Variants in DNAJC12 observed in about 807,000 individuals in gnomAD.
DNAJC12 encodes the protein dnaJ homolog subfamily C member 12.
In DNAJC12, 25 loss-of-function variants were observed where a neutral mutation model predicts 28.5. The observed-to-expected ratio is 0.88, with a 90% CI of 0.64 to 1.22. DNAJC12 has a LOEUF of 1.22. DNAJC12 is among the 50% of genes most tolerant of loss of function. The probability of loss-of-function intolerance (pLI) is 0.00; values close to 1 mark genes in which losing one functional copy is unlikely to be tolerated. For missense variants in DNAJC12, 222 were observed against 231.7 expected (o/e 0.96, Z 0.27); for synonymous variants, 77 against 80.6 (o/e 0.95, Z 0.24).
intron 4 of DNAJC12, among the ~76,000 whole-genome samples, chr10:67,799,815 G>A (rs10997814): frequency 6.7e-6 from 1 of 150,172 alleles, no homozygotes; most frequent in East Asian, 2.0e-4. Context: ...CCCAGGAGGC[G>A]GAGGTTGCAG....
intron 2 of DNAJC12, among the ~76,000 whole-genome samples, chr10:67,821,351 T>A (rs1841979238): frequency 6.6e-6 from 1 of 151,986 alleles, no homozygotes; most frequent in Admixed American, 6.6e-5. Flanking sequence ...ACCCTGTCTC[T>A]ACTAAAAATA....
chr10:67,809,178 C>G (rs1191644306), intron 3 of DNAJC12, among the ~76,000 whole-genome samples: 1 of 152,094 alleles, frequency 6.6e-6, no homozygotes, highest in Non-Finnish European at 1.5e-5. Context: ...TTTTTTTAGC[C>G]ATTCATTTTG....
intron 1 of DNAJC12, among the ~76,000 whole-genome samples, chr10:67,834,552 G>A (rs1281410369): frequency 2.0e-5 from 3 of 152,206 alleles, no homozygotes; most frequent in Non-Finnish European, 4.4e-5. Context: ...ATAGAGGCCG[G>A]GCGCGGTGGC....
chr10:67,833,578 C>T (rs184574947), intron 1 of DNAJC12, among the ~76,000 whole-genome samples: 2 of 152,150 alleles, frequency 1.3e-5, no homozygotes, highest in East Asian at 1.9e-4. Context: ...TAGTCCTTTA[C>T]AAAAAAATGT....
At chr10:67,809,870 TA>T (rs1381300557) in intron 3 of DNAJC12, among the ~76,000 whole-genome samples, 2 of 152,044 alleles carry the variant, frequency 1.3e-5, no homozygotes, top group Non-Finnish European at 2.9e-5. Flanking sequence ...GAGTGAAGGA[TA>T]AAAAACTACA....
chr10:67,818,835 A>G (rs553520715), intron 2 of DNAJC12, among the ~76,000 whole-genome samples: 1 of 151,892 alleles, frequency 6.6e-6, no homozygotes, highest in African/African-American at 2.4e-5. Context: ...TTGTATTTTT[A>G]GTAAAGACAG....
chr10:67,837,433 T>A (rs184899581), intron 1 of DNAJC12, among the ~76,000 whole-genome samples: 4 of 152,286 alleles, frequency 2.6e-5, no homozygotes, highest in Admixed American at 2.6e-4. Context: ...AAGAAGTAAT[T>A]TCTGTCACAC....
intron 2 of DNAJC12, among the ~76,000 whole-genome samples, chr10:67,819,356 G>A (rs1483194438): frequency 6.6e-6 from 1 of 151,524 alleles, no homozygotes; most frequent in Non-Finnish European, 1.5e-5. Flanking sequence ...AGAAATGTTC[G>A]GGCTAGGCTC....
chr10:67,811,278 A>G, intron 3 of DNAJC12: 1 of 1,334,604 alleles, frequency 7.5e-7, no homozygotes, highest in South Asian at 2.1e-5. Context: ...GAGTGTGTAT[A>G]CTGAAACAAA....
intron 2 of DNAJC12, 57 bp downstream of exon 2, chr10:67,823,257 C>G: frequency 2.8e-6 from 4 of 1,415,026 alleles, no homozygotes; most frequent in Non-Finnish European, 3.0e-6. Flanking sequence ...TATTCACTGG[C>G]TTTTGGTTCT....
At chr10:67,826,740 A>AAT (rs1425250448) in intron 1 of DNAJC12, among the ~76,000 whole-genome samples, 1 of 110,902 alleles carries the variant, frequency 9.0e-6, no homozygotes, top group Non-Finnish European at 1.8e-5. Context: ...TGATATATAT[A>AAT]ATATATATCA....
chr10:67,830,665 ATAC>A lies in DNAJC12; in HGVS notation c.78+7266_78+7268del, dbSNP rs1311055128. 3.3e-5 allele frequency among the ~76,000 whole-genome samples: 5 copies of A among 151,368 alleles called. No homozygotes were observed. In the East Asian group the frequency reaches 9.7e-4, roughly 29 times the overall value. On this transcript the variant is annotated intron_variant, in intron 1 of 4. Coordinates refer to ENST00000225171, the MANE Select transcript of DNAJC12 (RefSeq NM_021800.3). Reference sequence around the variant, plus strand: ...AATAAATAAATAAATAAATTTTTTGATACTTAATATGTGCCAGGCACTTTTCTA... The same window carrying A: ...AATAAATAAATAAATAAATTTTTTGATTAATATGTGCCAGGCACTTTTCTA...
intron 2 of DNAJC12, among the ~76,000 whole-genome samples, chr10:67,820,639 T>C (rs1841972182): frequency 6.6e-6 from 1 of 152,102 alleles, no homozygotes; most frequent in East Asian, 1.9e-4. Flanking sequence ...GCAGAAGCAA[T>C]AGTTAAATAT....
chr10:67,832,635 T>C (rs1464583847), intron 1 of DNAJC12, among the ~76,000 whole-genome samples: 1 of 152,102 alleles, frequency 6.6e-6, no homozygotes, highest in Non-Finnish European at 1.5e-5. Context: ...TACTAATAAA[T>C]GTAAAATTAA....
intron 2 of DNAJC12, among the ~76,000 whole-genome samples, chr10:67,818,882 T>C (rs1841942194): frequency 6.6e-6 from 1 of 152,080 alleles, no homozygotes; most frequent in Non-Finnish European, 1.5e-5. Flanking sequence ...CTCAAGTTCC[T>C]GACCTCAGGT....
At chr10:67,812,715 G>T (rs907722901) in intron 2 of DNAJC12, among the ~76,000 whole-genome samples, 17 of 151,866 alleles carry the variant, frequency 1.1e-4, no homozygotes, top group African/African-American at 4.1e-4. Context: ...ATAGCTGGGG[G>T]TGGTGGCAGG....
chr10:67,833,966 G>T (rs557305585), intron 1 of DNAJC12: 2 of 464,906 alleles, frequency 4.3e-6, no homozygotes, highest in South Asian at 3.1e-5. Flanking sequence ...TAATGCTAGG[G>T]GTAAGCCCTA....
chr10:67,830,176 C>T (rs1842078707), intron 1 of DNAJC12, among the ~76,000 whole-genome samples: 1 of 151,890 alleles, frequency 6.6e-6, no homozygotes, highest in Non-Finnish European at 1.5e-5. Context: ...AAAAATTAGC[C>T]TGGCATGGCC....
intron 4 of DNAJC12, among the ~76,000 whole-genome samples, chr10:67,797,994 A>C (rs1185456770): frequency 5.3e-5 from 8 of 150,020 alleles, no homozygotes; most frequent in East Asian, 3.9e-4. Context: ...GAGCCGAGAT[A>C]GCGCCACTGC....
Sources: allele counts gnomAD v4.1 joint callset (sites outside exome capture counted in the v4.1 genomes callset), GRCh38; gene constraint gnomAD v4.1.1; transcripts MANE v1.5; gene names NCBI Gene and HGNC (gene_info 2026-07-23, HGNC 2026-07-21).